Variants in CHRNB4 observed in about 807,000 individuals in gnomAD.
CHRNB4 encodes cholinergic receptor nicotinic beta 4 subunit, also known as neuronal acetylcholine receptor subunit beta-4.
In CHRNB4, 23 loss-of-function variants were observed where a neutral mutation model predicts 40.4. The ratio of observed to expected loss-of-function variants is 0.57; its 90% confidence interval spans 0.41 to 0.81. The LOEUF (loss-of-function observed/expected upper bound fraction) is 0.81. Ranked by LOEUF, CHRNB4 falls within the 30% of genes least tolerant of loss-of-function variation. The pLI, the probability that CHRNB4 is intolerant of heterozygous loss-of-function variation, is 0.00. For missense variants in CHRNB4, 568 were observed against 670.6 expected (o/e 0.85, Z 1.69); for synonymous variants, 285 against 274.4 (o/e 1.04, Z -0.38).
chr15:78,661,259 C>T, upstream of CHRNB4: 1 of 603,956 alleles, frequency 1.7e-6, no homozygotes, highest in Non-Finnish European at 3.2e-6. Flanking sequence ...ATCTTGCCCC[C>T]TGCCCCGCCC....
At position 78,641,110 on chromosome 15, in the gene CHRNB4, G is replaced by C. The variant is rs1222484465; in HGVS notation, c.24C>G (p.Val8=). MRRAPSL[V]LFFLVALCGR... is the part of the protein sequence containing the mutation. Reference sequence around the variant, plus strand: ...CGCAAAGGGCGACCAGGAAGAAAAGGACCAGGGAAGGCGCGCGCCTCATGG... The same window carrying C: ...CGCAAAGGGCGACCAGGAAGAAAAGCACCAGGGAAGGCGCGCGCCTCATGG... The change falls in exon 1 of 6, where the codon GTC becomes GTG. Residue 8 remains valine, a synonymous_variant. Coordinates refer to ENST00000261751, the MANE Select transcript of CHRNB4 (RefSeq NM_000750.5). The C allele has an allele frequency of 6.3e-7, 1 of 1,581,024 alleles. No homozygotes were observed. Among genetic ancestry groups the C allele is most frequent in the Non-Finnish European group, 8.6e-7 (1 of 1,164,632 alleles).
chr15:78,651,063 T>A (rs2054167868), intron 6 of CHRNB4, among the ~76,000 whole-genome samples: 2 of 152,102 alleles, frequency 1.3e-5, no homozygotes, highest in South Asian at 4.1e-4. Context: ...AGTTGAAGGG[T>A]CAGTGATCTC....
At position 78,626,230 on chromosome 15, in the gene CHRNB4, C is replaced by T. The variant is rs1215197806; in HGVS notation, c.1339-939G>A. 5.3e-5 allele frequency: 8 copies of T among 152,290 alleles called. No homozygotes were observed. In the East Asian group the frequency reaches 9.6e-4, roughly 18 times the overall value. The allele number at this position is 152,290 out of a possible 1,614,324, so 9.4% of individuals were successfully genotyped here. On this transcript the variant is annotated intron_variant, in intron 5 of 5. Transcript: ENST00000261751. ...GTCAAGCCAACCCCGACACCTGCAACCAAGCACGCCTGCACCTGTCCCCAA... is the reference window on the plus strand; with the variant it reads ...GTCAAGCCAACCCCGACACCTGCAATCAAGCACGCCTGCACCTGTCCCCAA...
In CHRNB4 at chr15:78,625,510, G is replaced by A. The variant is rs72650614; in HGVS notation, c.1339-219C>T. 5.0e-4 allele frequency among the ~76,000 whole-genome samples: 76 copies of A among 152,332 alleles called. 6 individuals carry two copies. The highest frequency in any genetic ancestry group is 4.2e-3 in the East Asian group (22 of 5,190). On this transcript the variant is annotated intron_variant, in intron 5 of 5. Coordinates refer to ENST00000261751, the MANE Select transcript of CHRNB4 (RefSeq NM_000750.5). ...TCCACCCCTGCCTGTCCCCCACAGC[G>A]TTGGAGGGGCACTGGGAACTTGGGC...
intron 5 of CHRNB4, among the ~76,000 whole-genome samples, chr15:78,625,669 C>T (rs2053635233): frequency 6.6e-6 from 1 of 152,236 alleles, no homozygotes. Context: ...CCCAAACTCA[C>T]TGCCTGAGCT....
At chr15:78,659,023 T>C (rs1476357133) in intron 1 of CHRNB4, among the ~76,000 whole-genome samples, 5 of 152,238 alleles carry the variant, frequency 3.3e-5, no homozygotes, top group Non-Finnish European at 5.9e-5. Context: ...GCATGTACTA[T>C]GTCCCAGTCA....
chr15:78,660,965 T>C (rs2054247421), upstream of CHRNB4: 2 of 441,112 alleles, frequency 4.5e-6, no homozygotes, highest in East Asian at 1.0e-4. Flanking sequence ...AGGACAAGGG[T>C]GGGGTCCACA....
At chr15:78,648,461 T>C (rs2054144830) in intron 7 of CHRNB4, among the ~76,000 whole-genome samples, 1 of 146,248 alleles carries the variant, frequency 6.8e-6, no homozygotes, top group Non-Finnish European at 1.5e-5. Context: ...CATAAGAATA[T>C]ATTCTTATTG....
At chr15:78,654,012 C>G (rs1185652039) in intron 5 of CHRNB4, among the ~76,000 whole-genome samples, 1 of 152,184 alleles carries the variant, frequency 6.6e-6, no homozygotes, top group African/African-American at 2.4e-5. Flanking sequence ...TTCAAGGACT[C>G]CAGACCCTCA....
chr15:78,641,245 G>T, upstream of CHRNB4: 2 of 1,021,130 alleles, frequency 2.0e-6, no homozygotes, highest in South Asian at 2.0e-5. Flanking sequence ...TTTGCTGGCG[G>T]GGCGGCGCTC....
At chr15:78,649,181 G>A (rs757715326) in intron 7 of CHRNB4, among the ~76,000 whole-genome samples, 11 of 152,102 alleles carry the variant, frequency 7.2e-5, no homozygotes, top group Non-Finnish European at 1.2e-4. Flanking sequence ...GGGGCTGCCA[G>A]TTTGGAGAGA....
At chr15:78,644,000 A>C (rs2054103661), upstream of CHRNB4, among the ~76,000 whole-genome samples, 1 of 150,490 alleles carries the variant, frequency 6.6e-6, no homozygotes, top group South Asian at 2.1e-4. Context: ...ATACAAAAAA[A>C]AAAAAAAAAA....
chr15:78,627,802 T>C (rs1006471477), intron 5 of CHRNB4: 15 of 152,242 alleles, frequency 9.9e-5, no homozygotes, highest in Admixed American at 5.2e-4. Flanking sequence ...AAAGGAGTCA[T>C]GTGAAATACC....
chr15:78,624,758 T>C lies in CHRNB4; in HGVS notation c.*375A>G. ...CTCTGAGCTGGGAAGAATCTAGAAGTGTGTGAGGAACTGGACAAGGGGAAG... is the reference window on the plus strand; with the variant it reads ...CTCTGAGCTGGGAAGAATCTAGAAGCGTGTGAGGAACTGGACAAGGGGAAG... On this transcript the variant is annotated 3_prime_UTR_variant, in exon 6 of 6. Transcript: ENST00000261751. The C allele has an allele frequency of 2.1e-6, 1 of 477,648 alleles. No homozygotes were observed. Among genetic ancestry groups the C allele is most frequent in the Non-Finnish European group, 3.6e-6 (1 of 274,442 alleles). 29.6% of individuals were successfully genotyped at this position (477,648 alleles called of 1,614,324 possible). A position where few individuals can be genotyped will look rare whatever the true frequency, so the allele number is the denominator to read the frequency against.
chr15:78,645,812 C>A (rs961702779), upstream of CHRNB4, among the ~76,000 whole-genome samples: 1 of 152,082 alleles, frequency 6.6e-6, no homozygotes, highest in Non-Finnish European at 1.5e-5. Context: ...GTAATCCCAG[C>A]ACTTTGGGAG....
intron 5 of CHRNB4, chr15:78,628,212 C>G (rs1231714636): frequency 6.6e-6 from 1 of 152,160 alleles, no homozygotes; most frequent in Non-Finnish European, 1.5e-5. Context: ...TTAGCACAAT[C>G]GATTAATTCA....
intron 2 of CHRNB4, among the ~76,000 whole-genome samples, chr15:78,634,413 T>A (rs865895407): frequency 1.3e-5 from 2 of 152,208 alleles, no homozygotes; most frequent in African/African-American, 4.8e-5. Context: ...CTGAAAGCCC[T>A]CCTTCCTTCT....
exon 5 of CHRNB4, chr15:78,655,640 C>T: frequency 6.6e-6 from 1 of 151,778 alleles, no homozygotes; most frequent in Non-Finnish European, 1.5e-5. Flanking sequence ...TACCACACTC[C>T]AGCTCGAGCA....
chr15:78,630,719 A>G (rs191533988), intron 4 of CHRNB4, among the ~76,000 whole-genome samples: 2 of 152,336 alleles, frequency 1.3e-5, no homozygotes, highest in Admixed American at 6.5e-5. Flanking sequence ...TGCCTAAGAT[A>G]TTTACACACA....
Sources: gnomAD v4.1 joint callset for allele counts (sites outside exome capture counted in the v4.1 genomes callset) on GRCh38, gnomAD v4.1.1 for gene constraint, MANE v1.5 for transcripts, NCBI Gene and HGNC (gene_info 2026-07-23, HGNC 2026-07-21) for gene names.